The following ARHGAP26 variants were observed in gnomAD, a reference collection of about 807,000 sequenced individuals.
ARHGAP26 encodes the protein rho GTPase-activating protein 26.
ARHGAP26 carries 38 observed loss-of-function variants against 104.8 expected under a neutral mutation model. That is an observed-to-expected ratio of 0.36 (90% confidence interval 0.28 to 0.48). The LOEUF (loss-of-function observed/expected upper bound fraction) is 0.48, where lower values mean the gene tolerates loss of function less well. Among genes scored for constraint, ARHGAP26 ranks in the 20% least tolerant of loss-of-function variants. The pLI is 0.99. For synonymous variants in ARHGAP26, 341 were observed against 340.0 expected (o/e 1.00, Z -0.03); for missense variants, 704 against 947.9 (o/e 0.74, Z 3.38).
At chr5:142,940,407 A>C (rs756572335) in intron 11 of ARHGAP26, among the ~76,000 whole-genome samples, 3 of 151,968 alleles carry the variant, frequency 2.0e-5, no homozygotes, top group Non-Finnish European at 4.4e-5. Flanking sequence ...TGTACAGATT[A>C]TTTTGTCACC....
chr5:142,920,933 A>C (rs1024884172), intron 10 of ARHGAP26, among the ~76,000 whole-genome samples: 1 of 152,176 alleles, frequency 6.6e-6, no homozygotes, highest in African/African-American at 2.4e-5. Context: ...GAATACGCTG[A>C]ATTCATTCCC....
At chr5:143,203,486 G>T (rs191444999) in intron 20 of ARHGAP26, 12 of 152,258 alleles carry the variant, frequency 7.9e-5, no homozygotes, top group African/African-American at 2.9e-4. Context: ...GTTGTAAATT[G>T]GTTCAACCAT....
chr5:143,007,107 A>G (rs1448766358), intron 11 of ARHGAP26, among the ~76,000 whole-genome samples: 2 of 151,034 alleles, frequency 1.3e-5, no homozygotes, highest in Non-Finnish European at 2.9e-5. Flanking sequence ...AGACAGGTGA[A>G]TCGCTTGAAC....
chr5:143,082,263 G>C (rs1789947072), intron 17 of ARHGAP26, among the ~76,000 whole-genome samples: 1 of 152,010 alleles, frequency 6.6e-6, no homozygotes, highest in African/African-American at 2.4e-5. Flanking sequence ...GGAGGTGTTA[G>C]GAAAAATTCT....
intron 3 of ARHGAP26, among the ~76,000 whole-genome samples, chr5:142,878,609 G>A (rs1756477849): frequency 6.6e-6 from 1 of 152,142 alleles, no homozygotes; most frequent in Non-Finnish European, 1.5e-5. Flanking sequence ...GTAGGGGAGG[G>A]AAGTTGAGTT....
intron 21 of ARHGAP26, among the ~76,000 whole-genome samples, chr5:143,212,425 T>C (rs1187452960): frequency 1.3e-5 from 2 of 152,096 alleles, no homozygotes; most frequent in South Asian, 4.1e-4. Flanking sequence ...TGGTCCTTGC[T>C]GGCCAATACA....
At chr5:143,136,718 G>GGGTGAGC (rs1195784645) in intron 19 of ARHGAP26, among the ~76,000 whole-genome samples, 15 of 152,150 alleles carry the variant, frequency 9.9e-5, no homozygotes, top group African/African-American at 3.6e-4. Context: ...CCAGCCACCC[G>GGGTGAGC]TCACTGTCGG....
rs543857616 is a variant in ARHGAP26, at chr5:142,997,034, A to T, written c.1108-17046A>T. The stretch of plus-strand genomic sequence containing the variant: ...CTACAACAGACTGTTGAAACTACTG[A>T]ACTCTATTGTAGCACAAAAACAGCT... On this transcript the variant is annotated intron_variant, in intron 11 of 22. Transcript: ENST00000645722. Among the ~76,000 whole-genome samples, 57 of 152,304 alleles carry T rather than the reference A, an allele frequency of 3.7e-4. 1 individual carries two copies. In the South Asian group the frequency reaches 8.1e-3, roughly 22 times the overall value.
intron 10 of ARHGAP26, among the ~76,000 whole-genome samples, chr5:142,931,432 T>G (rs889976343): frequency 6.6e-6 from 1 of 152,226 alleles, no homozygotes; most frequent in African/African-American, 2.4e-5. Flanking sequence ...CAAGCAGATT[T>G]CAGTGAGTGA....
chr5:143,152,491 T>TG (rs1799965675), intron 20 of ARHGAP26, among the ~76,000 whole-genome samples: 1 of 152,376 alleles, frequency 6.6e-6, no homozygotes, highest in Non-Finnish European at 1.5e-5. Context: ...TGGGAGCAGA[T>TG]GATACTCTCT....
At chr5:143,085,910 A>G (rs918598831) in intron 17 of ARHGAP26, among the ~76,000 whole-genome samples, 5 of 152,216 alleles carry the variant, frequency 3.3e-5, no homozygotes, top group Admixed American at 2.0e-4. Context: ...TAATATTTAA[A>G]TAGTTTTAGC....
chr5:142,923,008 T>G lies in ARHGAP26; in HGVS notation c.1029-9039T>G, dbSNP rs529426328. On this transcript the variant is annotated intron_variant, in intron 10 of 22. Coordinates refer to ENST00000645722, the MANE Select transcript of ARHGAP26 (RefSeq NM_001135608.3). ...GACGATACCATAGTTTCTGAATTGC[T>G]TTTTGGCTGTTCTGTAAAATAAGTT... 1.1e-4 allele frequency among the ~76,000 whole-genome samples: 17 copies of G among 152,318 alleles called. No homozygotes were observed. The South Asian group carries it at 3.3e-3, about 30-fold the overall frequency.
intron 1 of ARHGAP26, among the ~76,000 whole-genome samples, chr5:142,780,105 A>G (rs948475199): frequency 8.5e-5 from 13 of 152,320 alleles, no homozygotes; most frequent in African/African-American, 2.6e-4. Flanking sequence ...ACAAATACAC[A>G]TACACATTGT....
intron 20 of ARHGAP26, among the ~76,000 whole-genome samples, chr5:143,161,428 A>G (rs2151067344): frequency 6.6e-6 from 1 of 152,328 alleles, no homozygotes; most frequent in African/African-American, 2.4e-5. Context: ...TGTGAAATGT[A>G]AGTAGTTCAA....
At position 143,214,122 on chromosome 5, in the gene ARHGAP26, G is replaced by T. The variant is rs765452767; in HGVS notation, c.2191+34G>T. The T allele has an allele frequency of 1.8e-5, 6 of 333,930 alleles. 1 individual carries two copies. Among genetic ancestry groups the T allele is most frequent in the South Asian group, 7.0e-5 (3 of 43,006 alleles). The allele number at this position is 333,930 out of a possible 1,614,324, so 20.7% of individuals were successfully genotyped here. A position where few individuals can be genotyped will look rare whatever the true frequency, so the allele number is the denominator to read the frequency against. ...CTCATCCCCTCACAAAGATATGGGC[G>T]GGGGGCGGGGGCAAGGGGAGCACAT... On this transcript the variant is annotated intron_variant, in intron 22 of 22. Transcript: ENST00000645722.
intron 5 of ARHGAP26, among the ~76,000 whole-genome samples, chr5:142,890,807 G>A (rs761280021): frequency 6.6e-6 from 1 of 152,148 alleles, no homozygotes; most frequent in Non-Finnish European, 1.5e-5. Flanking sequence ...CTACTCAGAA[G>A]CAAGGGCTGA....
intron 11 of ARHGAP26, among the ~76,000 whole-genome samples, chr5:142,998,272 A>G (rs1201687102): frequency 6.6e-6 from 1 of 152,114 alleles, no homozygotes; most frequent in Non-Finnish European, 1.5e-5. Context: ...ACCTGTGGAG[A>G]GCTGTGGAGC....
At chr5:143,048,772 G>A (rs1179435352) in intron 14 of ARHGAP26, among the ~76,000 whole-genome samples, 1 of 151,738 alleles carries the variant, frequency 6.6e-6, no homozygotes, top group African/African-American at 2.4e-5. Context: ...AAATTAGCCA[G>A]GCGTGGTGGT....
At position 143,134,087 on chromosome 5, in the gene ARHGAP26, G is replaced by T; in HGVS notation, c.1819G>T (p.Val607Phe). ...SERPLTLFHT[V>F]QSTEKQEQRN... ...GAGGCCCCTGACGCTCTTCCACACC[G>T]TTCAGTCAACAGAGAAACGTGAGTC... Residue 607 changes from valine to phenylalanine, a missense_variant, in exon 19 of 23, where the codon GTT (valine) becomes TTT (phenylalanine). This residue lies in a region of ARHGAP26 where 217 missense variants were observed against 242.6 expected (regional missense o/e 0.89). Coordinates refer to ENST00000645722, the MANE Select transcript of ARHGAP26 (RefSeq NM_001135608.3). The T allele has an allele frequency of 6.2e-7, 1 of 1,609,580 alleles. No homozygotes were observed. The highest frequency in any genetic ancestry group is 8.5e-7 in the Non-Finnish European group (1 of 1,177,712).
Sources: gnomAD v4.1 joint callset for allele counts (sites outside exome capture counted in the v4.1 genomes callset) on GRCh38, gnomAD v4.1.1 for gene constraint, gnomAD v4.1.1 regional missense constraint, MANE v1.5 for transcripts, NCBI Gene and HGNC (gene_info 2026-07-23, HGNC 2026-07-21) for gene names.